The following L3MBTL4 variants were observed in gnomAD, a reference collection of about 807,000 sequenced individuals.
L3MBTL4 encodes the protein L3MBTL histone methyl-lysine binding protein 4.
L3MBTL4 carries 70 observed loss-of-function variants against 84.5 expected under a neutral mutation model. That is an observed-to-expected ratio of 0.83 (90% CI 0.68 to 1.01). The LOEUF (loss-of-function observed/expected upper bound fraction) is 1.01, where lower values mean the gene tolerates loss of function less well. Ranked by LOEUF, L3MBTL4 falls within the 50% of genes least tolerant of loss-of-function variation. The pLI is 0.00. For synonymous variants in L3MBTL4, 274 were observed against 259.8 expected, an observed-to-expected ratio of 1.05 and a Z score of -0.52; for missense variants, 715 against 754.8, an observed-to-expected ratio of 0.95 and a Z score of 0.62.
At chr18:6,357,660 G>A (rs1179838777) in intron 1 of L3MBTL4, among the ~76,000 whole-genome samples, 1 of 152,042 alleles carries the variant, frequency 6.6e-6, no homozygotes, top group East Asian at 1.9e-4. Context: ...GGGCCTAATT[G>A]TCACCATCAA....
intron 10 of L3MBTL4, 97 bp from the exon 11 acceptor site, chr18:6,215,932 T>C: frequency 3.2e-6 from 2 of 624,526 alleles, no homozygotes; most frequent in Middle Eastern, 4.3e-4. Flanking sequence ...CTAATGTTAA[T>C]TGAATGCTCA....
chr18:6,399,435 C>T (rs2055420324), intron 1 of L3MBTL4, among the ~76,000 whole-genome samples: 3 of 146,442 alleles, frequency 2.0e-5, no homozygotes, highest in Admixed American at 2.0e-4. Context: ...GACTCCATCA[C>T]AAAAAAAAGA....
chr18:6,350,211 G>A (rs1024598522), intron 1 of L3MBTL4, among the ~76,000 whole-genome samples: 1 of 152,166 alleles, frequency 6.6e-6, no homozygotes, highest in African/African-American at 2.4e-5. Flanking sequence ...CAACAATGAT[G>A]TCAAAAACGC....
intron 14 of L3MBTL4, among the ~76,000 whole-genome samples, chr18:6,130,844 G>A (rs1052833917): frequency 4.6e-5 from 7 of 152,116 alleles, no homozygotes; most frequent in Non-Finnish European, 8.8e-5. Context: ...AATGTAAATT[G>A]TGTGCCAAAA....
chr18:6,386,025 T>C (rs2054802177), intron 1 of L3MBTL4, among the ~76,000 whole-genome samples: 1 of 152,176 alleles, frequency 6.6e-6, no homozygotes, highest in Non-Finnish European at 1.5e-5. Flanking sequence ...TAGAATTTCC[T>C]AAAGAAAGGT....
intron 16 of L3MBTL4, among the ~76,000 whole-genome samples, chr18:6,063,900 C>T (rs1265686299): frequency 2.6e-5 from 4 of 152,022 alleles, no homozygotes. Context: ...GCTGTATTTG[C>T]TTCTGGGGTC....
chr18:6,276,358 T>C (rs1211966377), intron 4 of L3MBTL4, among the ~76,000 whole-genome samples: 1 of 152,228 alleles, frequency 6.6e-6, no homozygotes, highest in Non-Finnish European at 1.5e-5. Context: ...CAGTACCTTT[T>C]GGCTTACAGT....
intron 14 of L3MBTL4, among the ~76,000 whole-genome samples, chr18:6,112,103 CA>C (rs548240597): frequency 7.2e-4 from 109 of 152,158 alleles, no homozygotes; most frequent in African/African-American, 2.5e-3. Context: ...TAGGTGAAAA[CA>C]ATTAACTAGT....
At chr18:5,968,019 C>T (rs1004759809) in intron 17 of L3MBTL4, among the ~76,000 whole-genome samples, 2 of 152,228 alleles carry the variant, frequency 1.3e-5, no homozygotes, top group Admixed American at 1.3e-4. Context: ...GGCCATGATG[C>T]CAGGGGGCCA....
At chr18:6,328,918 T>C in intron 1 of L3MBTL4, among the ~76,000 whole-genome samples, 1 of 152,150 alleles carries the variant, frequency 6.6e-6, no homozygotes, top group Non-Finnish European at 1.5e-5. Context: ...TTTGGGAATA[T>C]ATTATTTTTA....
chr18:6,266,431 CTAT>C (rs2048636258), intron 4 of L3MBTL4, among the ~76,000 whole-genome samples: 1 of 152,210 alleles, frequency 6.6e-6, no homozygotes, highest in Non-Finnish European at 1.5e-5. Context: ...ATTTTAGCAT[CTAT>C]CTTTGCTGTG....
At position 6,239,824 on chromosome 18, in the gene L3MBTL4, C is replaced by T. The variant is rs199523434; in HGVS notation, c.601G>A (p.Val201Met). 66 of 1,614,050 alleles carry T rather than the reference C, an allele frequency of 4.1e-5. No homozygotes were observed. Among genetic ancestry groups the T allele is most frequent in the African/African-American group, 8.0e-5 (6 of 74,946 alleles). ...EFQVGMKLEAVDRKNPSLVCV... is the reference protein window; with the variant it reads ...EFQVGMKLEAMDRKNPSLVCV... ...ACCAAGGAAGGGTTCTTCCTGTCCA[C>T]GGCCTCCAGCTTCATTCCAACCTGA... Residue 201 changes from valine to methionine, a missense_variant, in exon 9 of 19, where the codon GTG becomes ATG. Physicochemically the swap from Val to Met is conservative, Grantham distance 21. Coordinates refer to ENST00000317931, the MANE Select transcript of L3MBTL4 (RefSeq NM_001330559.2).
At chr18:6,005,652 C>T (rs1666711380) in intron 16 of L3MBTL4, among the ~76,000 whole-genome samples, 1 of 152,176 alleles carries the variant, frequency 6.6e-6, no homozygotes, top group South Asian at 2.1e-4. Flanking sequence ...ATCTATGTTT[C>T]TGCAAAGGAC....
chr18:6,342,647 G>A (rs1048945096), intron 1 of L3MBTL4, among the ~76,000 whole-genome samples: 6 of 151,572 alleles, frequency 4.0e-5, no homozygotes, highest in African/African-American at 1.5e-4. Flanking sequence ...GAAAGGAAAT[G>A]GCAACAGAGG....
At chr18:6,032,002 G>A (rs1182518808) in intron 16 of L3MBTL4, 2 of 304,834 alleles carry the variant, frequency 6.6e-6, no homozygotes, top group African/African-American at 2.3e-5. Flanking sequence ...TTTTGAGACG[G>A]AGTCTTGCTC....
intron 18 of L3MBTL4, among the ~76,000 whole-genome samples, chr18:5,958,041 G>GAGAAGGAGA (rs1446552651): frequency 7.4e-6 from 1 of 135,906 alleles, no homozygotes; most frequent in African/African-American, 3.1e-5. Flanking sequence ...GGAGGAGGAG[G>GAGAAGGAGA]AGGAGAAGGA....
intron 16 of L3MBTL4, among the ~76,000 whole-genome samples, chr18:6,054,512 C>A (rs2056945773): frequency 2.0e-5 from 3 of 152,200 alleles, no homozygotes; most frequent in Admixed American, 2.0e-4. Context: ...AAACATCCTT[C>A]TTTTCCTCCG....
intron 5 of L3MBTL4, chr18:6,259,155 C>T (rs1017548648): frequency 2.6e-5 from 4 of 152,198 alleles, no homozygotes; most frequent in African/African-American, 7.2e-5. Flanking sequence ...TTTGTTTTAC[C>T]ACAGGCAGGA....
intron 13 of L3MBTL4, among the ~76,000 whole-genome samples, chr18:6,170,051 C>T (rs2043890425): frequency 6.6e-6 from 1 of 152,012 alleles, no homozygotes; most frequent in Non-Finnish European, 1.5e-5. Flanking sequence ...TCATTTATCT[C>T]ATTTAATAAT....
Sources: gnomAD v4.1 joint callset for allele counts (sites outside exome capture counted in the v4.1 genomes callset) on GRCh38, gnomAD v4.1.1 for gene constraint, MANE v1.5 for transcripts, NCBI Gene and HGNC (gene_info 2026-07-23, HGNC 2026-07-21) for gene names.